CTXND1: variants seen among roughly 807,000 people sequenced by gnomAD.
CTXND1 encodes the protein cortexin domain-containing 1 protein.
At chr15:80,227,639 T>TAG in intron 1 of CTXND1, among the ~76,000 whole-genome samples, 1 of 152,352 alleles carries the variant, frequency 6.6e-6, no homozygotes, top group South Asian at 2.1e-4. Context: ...GTACACTATA[T>TAG]TGTACATTAA....
Position 80,239,403 on chromosome 15 carries a change from TAAC to T in CTXND1, c.-218+12601_-218+12603del, listed in dbSNP as rs536081383. ...CTGTAAGGGTGTTGCCAAAAGAGAT[TAAC>T]ATTTGAGTCAGTGGGCTGGGGAAGG... is the stretch of plus-strand genomic sequence containing the variant. On this transcript the variant is annotated intron_variant, in intron 1 of 2. Coordinates refer to ENST00000560778, the MANE Select transcript of CTXND1 (RefSeq NM_001352888.2). Among the ~76,000 whole-genome samples, 15 of 152,332 alleles carry T rather than the reference TAAC, an allele frequency of 9.8e-5. No individual in the cohort carries two copies. The South Asian group carries it at 3.1e-3, about 32-fold the overall frequency.
chr15:80,242,424 C>T (rs564542789), intron 1 of CTXND1, among the ~76,000 whole-genome samples: 57 of 152,336 alleles, frequency 3.7e-4, no homozygotes, highest in Admixed American at 3.1e-3. Context: ...CCCCGTCTGG[C>T]GCCTCCTCAA....
intron 1 of CTXND1, among the ~76,000 whole-genome samples, chr15:80,247,273 A>G (rs1893643109): frequency 6.6e-6 from 1 of 152,090 alleles, no homozygotes. Flanking sequence ...CCTTAGCAAC[A>G]TTCCACGTGT....
intron 1 of CTXND1, among the ~76,000 whole-genome samples, chr15:80,207,878 T>C (rs28692766): frequency 0.11 from 16,722 of 152,268 alleles, 947 homozygotes; most frequent in African/African-American, 0.15. Flanking sequence ...GAGCTGTTCC[T>C]TTCTTGGCAT....
At chr15:80,216,171 T>C (rs940792955) in intron 1 of CTXND1, among the ~76,000 whole-genome samples, 2 of 152,188 alleles carry the variant, frequency 1.3e-5, no homozygotes, top group Non-Finnish European at 2.9e-5. Context: ...ATGTCCCCGT[T>C]CTCCAGGGCT....
At chr15:80,223,813 A>C (rs74342596) in intron 1 of CTXND1, among the ~76,000 whole-genome samples, 1 of 22,454 alleles carries the variant, frequency 4.5e-5, no homozygotes, top group South Asian at 3.0e-3. Context: ...CTTTTTGGCC[A>C]AAAAAAAAAA....
chr15:80,232,776 C>T (rs553857023), intron 1 of CTXND1, among the ~76,000 whole-genome samples: 4 of 152,234 alleles, frequency 2.6e-5, no homozygotes, highest in Admixed American at 6.5e-5. Flanking sequence ...GCAATGATTT[C>T]CCATCACCAT....
chr15:80,245,945 C>G (rs144807731), intron 1 of CTXND1, among the ~76,000 whole-genome samples: 122 of 152,206 alleles, frequency 8.0e-4, no homozygotes, highest in African/African-American at 2.8e-3. Context: ...TAATGAAAAT[C>G]AAATCAACAA....
chr15:80,245,880 C>T (rs1460362080), intron 1 of CTXND1, among the ~76,000 whole-genome samples: 3 of 152,138 alleles, frequency 2.0e-5, no homozygotes, highest in South Asian at 2.1e-4. Flanking sequence ...CCCCCAACCC[C>T]GCAAGCCTCA....
chr15:80,227,495 C>G (rs185286956), intron 1 of CTXND1, among the ~76,000 whole-genome samples: 1 of 152,046 alleles, frequency 6.6e-6, no homozygotes, highest in African/African-American at 2.4e-5. Context: ...ATTATGGGGT[C>G]ATACGTTGGA....
intron 1 of CTXND1, among the ~76,000 whole-genome samples, chr15:80,224,941 G>T (rs190351634): frequency 6.6e-6 from 1 of 152,174 alleles, no homozygotes. Flanking sequence ...ACCAGGTTTC[G>T]CCATGTTGGC....
intron 1 of CTXND1, among the ~76,000 whole-genome samples, chr15:80,218,988 G>A (rs1373523993): frequency 6.7e-6 from 1 of 148,784 alleles, no homozygotes; most frequent in Non-Finnish European, 1.5e-5. Context: ...CTGGGGTGCA[G>A]TGGTGTCATC....
At chr15:80,206,202 G>C (rs149024672) in intron 1 of CTXND1, among the ~76,000 whole-genome samples, 3 of 152,190 alleles carry the variant, frequency 2.0e-5, no homozygotes, top group Non-Finnish European at 4.4e-5. Context: ...GCACTTCAGC[G>C]TGTGTATCAT....
intron 1 of CTXND1, among the ~76,000 whole-genome samples, chr15:80,216,989 T>C (rs1208520195): frequency 6.6e-6 from 1 of 152,144 alleles, no homozygotes; most frequent in African/African-American, 2.4e-5. Context: ...TCTTCTTATA[T>C]GGACCAGAAC....
At chr15:80,232,311 T>C (rs1893440365) in intron 1 of CTXND1, among the ~76,000 whole-genome samples, 1 of 152,208 alleles carries the variant, frequency 6.6e-6, no homozygotes, top group African/African-American at 2.4e-5. Flanking sequence ...GAGTCTCATG[T>C]ATTTAGAGAT....
chr15:80,200,771 C>T lies in CTXND1; in HGVS notation c.*999G>A, dbSNP rs1209676747. On this transcript the variant is annotated 3_prime_UTR_variant, in exon 3 of 3. Coordinates refer to ENST00000560778, the MANE Select transcript of CTXND1 (RefSeq NM_001352888.2). ...AGACTAGAACCCAGGTCTCCCCATT[C>T]AATATTCATCTCATGGACTGTGCAC... 6.6e-6 allele frequency: 1 copy of T among 152,144 alleles called. No homozygotes were observed. Among genetic ancestry groups the T allele is most frequent in the Non-Finnish European group, 1.5e-5 (1 of 68,020 alleles). 9.4% of individuals were successfully genotyped at this position (152,144 alleles called of 1,614,324 possible). A position where few individuals can be genotyped will look rare whatever the true frequency, so the allele number is the denominator to read the frequency against.
At chr15:80,220,707 C>A (rs1038321927) in intron 1 of CTXND1, among the ~76,000 whole-genome samples, 1 of 151,970 alleles carries the variant, frequency 6.6e-6, no homozygotes, top group African/African-American at 2.4e-5. Flanking sequence ...GTCCGTTAAT[C>A]ATGTGTTATA....
chr15:80,223,812 CAAA>C (rs5814006), intron 1 of CTXND1, among the ~76,000 whole-genome samples: 2,710 of 141,284 alleles, frequency 0.019, 69 homozygotes, highest in African/African-American at 0.053. Flanking sequence ...GCTTTTTGGC[CAAA>C]AAAAAAAAAA....
chr15:80,197,309 A>G lies in CTXND1; in HGVS notation c.*4461T>C, dbSNP rs2041425229. ...GGTTTCAAACTCCTGGGCTCAAGCAATCTGCCTGTGTTGGCCTCCCAAAGT... is the reference window on the plus strand; with the variant it reads ...GGTTTCAAACTCCTGGGCTCAAGCAGTCTGCCTGTGTTGGCCTCCCAAAGT... On this transcript the variant is annotated 3_prime_UTR_variant, in exon 3 of 3. Coordinates refer to ENST00000560778, the MANE Select transcript of CTXND1 (RefSeq NM_001352888.2). The G allele has an allele frequency of 1.3e-5, 2 of 152,276 alleles. No homozygotes were observed. The highest frequency in any genetic ancestry group is 4.1e-4 in the South Asian group (2 of 4,822). The allele number at this position is 152,276 out of a possible 1,614,324, so 9.4% of individuals were successfully genotyped here.
Sources: gnomAD v4.1 joint callset for allele counts (sites outside exome capture counted in the v4.1 genomes callset) on GRCh38, gnomAD v4.1.1 for gene constraint, MANE v1.5 for transcripts, NCBI Gene and HGNC (gene_info 2026-07-23, HGNC 2026-07-21) for gene names.